MYLK3: variants seen among roughly 807,000 people sequenced by gnomAD.
MYLK3 encodes MLC kinase.
A neutral mutation model predicts 76.3 loss-of-function variants in MYLK3; 55 were observed. The observed-to-expected ratio is 0.72, with a 90% CI of 0.58 to 0.90. The LOEUF is 0.90. Among genes scored for constraint, MYLK3 ranks in the 40% least tolerant of loss-of-function variants. The pLI is 0.00. For missense variants in MYLK3, 973 were observed against 1,053.6 expected (o/e 0.92, Z 1.06); for synonymous variants, 416 against 425.4 (o/e 0.98, Z 0.27).
At chr16:46,757,611 G>C (rs1967217450) in intron 1 of MYLK3, 1 of 985,202 alleles carries the variant, frequency 1.0e-6, no homozygotes, top group South Asian at 4.7e-5. Flanking sequence ...TGGCTGGCCA[G>C]GATGATTTCT....
At chr16:46,728,478 T>C (rs765983957) in intron 7 of MYLK3, among the ~76,000 whole-genome samples, 1 of 152,166 alleles carries the variant, frequency 6.6e-6, no homozygotes, top group African/African-American at 2.4e-5. Flanking sequence ...CCCAGCACTT[T>C]GGGAAGCTGA....
chr16:46,712,513 C>A, intron 10 of MYLK3, 135 bp downstream of exon 10: 1 of 683,340 alleles, frequency 1.5e-6, no homozygotes, highest in Non-Finnish European at 2.2e-6. Flanking sequence ...TCTCACTACC[C>A]TATTCCTCTA....
chr16:46,747,619 A>T (rs1402455485), intron 1 of MYLK3, 98 bp downstream of exon 1: 1 of 1,168,652 alleles, frequency 8.6e-7, no homozygotes, highest in East Asian at 2.3e-5. Context: ...CAGGAAGGGG[A>T]CACCATGCCT....
chr16:46,762,174 T>C (rs988742682), intron 1 of MYLK3, among the ~76,000 whole-genome samples: 1 of 152,216 alleles, frequency 6.6e-6, no homozygotes, highest in African/African-American at 2.4e-5. Context: ...GGATATGCAA[T>C]GCTCTTCCAG....
chr16:46,709,453 A>AG, intron 12 of MYLK3, 86 bp downstream of exon 12: 1 of 1,465,774 alleles, frequency 6.8e-7, no homozygotes, highest in Non-Finnish European at 9.2e-7. Flanking sequence ...GAAAAAAAAA[A>AG]AAAGAAAAGG....
chr16:46,707,922 G>C (rs1334033231), intron 12 of MYLK3, among the ~76,000 whole-genome samples, 159 bp from the exon 13 acceptor site: 1 of 152,146 alleles, frequency 6.6e-6, no homozygotes, highest in African/African-American at 2.4e-5. Context: ...TTATAGAATA[G>C]TCACATGACT....
Position 46,732,415 on chromosome 16 carries a change from T to C in MYLK3, c.1255A>G (p.Arg419Gly). The change falls in exon 4 of 13, where the codon AGG (arginine) becomes GGG (glycine). Residue 419 changes from arginine (R) to glycine (G), a missense_variant. Around this residue, in one of 2 missense-constraint regions of MYLK3, gnomAD observed 641 missense variants for 637.0 expected, o/e 1.01. Coordinates refer to ENST00000394809, the MANE Select transcript of MYLK3 (RefSeq NM_182493.3). ...PGGVKAEEEQ[R>G]AGAEPGTRPS... ...CTCGTGCCAGGCTCGGCCCCAGCCCTTTGCTCCTCCTCTGCCTTCACTCCC... is the reference window on the plus strand; with the variant it reads ...CTCGTGCCAGGCTCGGCCCCAGCCCCTTGCTCCTCCTCTGCCTTCACTCCC... 6.2e-7 allele frequency: 1 copy of C among 1,613,534 alleles called. No individual in the cohort carries two copies.
chr16:46,710,319 A>T (rs1248823602), intron 11 of MYLK3, among the ~76,000 whole-genome samples: 1 of 152,228 alleles, frequency 6.6e-6, no homozygotes, highest in Non-Finnish European at 1.5e-5. Context: ...TCAGATCTTT[A>T]TTCTGGAAAT....
upstream of MYLK3, among the ~76,000 whole-genome samples, chr16:46,750,177 G>C (rs577638090): frequency 6.6e-6 from 1 of 152,160 alleles, no homozygotes; most frequent in Non-Finnish European, 1.5e-5. Context: ...CCTGCAGATC[G>C]GGGCTCCCTG....
chr16:46,745,954 T>C (rs1368330593), intron 1 of MYLK3, among the ~76,000 whole-genome samples: 1 of 152,074 alleles, frequency 6.6e-6, no homozygotes, highest in East Asian at 1.9e-4. Context: ...GGGGATGGAA[T>C]AGGAAGGAGA....
At chr16:46,759,492 C>T (rs141148898) in intron 1 of MYLK3, among the ~76,000 whole-genome samples, 1 of 152,216 alleles carries the variant, frequency 6.6e-6, no homozygotes, top group African/African-American at 2.4e-5. Context: ...AAACTGTTAT[C>T]CCCATTTCAC....
In MYLK3 at chr16:46,706,093, A is replaced by G. The variant is rs1192186012; in HGVS notation, c.*1611T>C. 4 of 152,126 alleles carry G rather than the reference A, an allele frequency of 2.6e-5. No homozygotes were observed. In the East Asian group the frequency reaches 7.7e-4, roughly 29 times the overall value. 9.4% of individuals were successfully genotyped at this position (152,126 alleles called of 1,614,324 possible). ...TAAATGTACAGTGGACCCTTGAACA[A>G]TGTGAGGGTTAGGAGTGCCTACCCC... On this transcript the variant is annotated 3_prime_UTR_variant, in exon 13 of 13. Coordinates refer to ENST00000394809, the MANE Select transcript of MYLK3 (RefSeq NM_182493.3).
intron 1 of MYLK3, among the ~76,000 whole-genome samples, chr16:46,760,161 G>A (rs557015061): frequency 2.6e-5 from 4 of 152,178 alleles, no homozygotes; most frequent in Non-Finnish European, 4.4e-5. Context: ...CATTTCACTC[G>A]TGGAGAGACT....
chr16:46,713,732 C>CA (rs1173190125), intron 9 of MYLK3, among the ~76,000 whole-genome samples: 1 of 152,254 alleles, frequency 6.6e-6, no homozygotes, highest in Non-Finnish European at 1.5e-5. Context: ...GACGTCTCCC[C>CA]AGTGCCACCT....
chr16:46,712,215 C>T (rs760186100), intron 10 of MYLK3, among the ~76,000 whole-genome samples: 1 of 151,646 alleles, frequency 6.6e-6, no homozygotes, highest in Non-Finnish European at 1.5e-5. Flanking sequence ...TGGTCTTGAA[C>T]TCTTTGGCTC....
Position 46,734,311 on chromosome 16 carries a change from G to A in MYLK3, c.1002-1643C>T, listed in dbSNP as rs1966859167. ...CACTGTGCTCAGTGAAATGAGCCAG[G>A]CACAAAAAGACAAATCCTGTGGCCA... On this transcript the variant is annotated intron_variant, in intron 3 of 12. Coordinates refer to ENST00000394809, the MANE Select transcript of MYLK3 (RefSeq NM_182493.3). Among the ~76,000 whole-genome samples, 3 of 152,256 alleles carry A rather than the reference G, an allele frequency of 2.0e-5. No individual in the cohort carries two copies. The South Asian group carries it at 6.2e-4, about 32-fold the overall frequency.
In MYLK3 at chr16:46,743,252, T is replaced by C. The variant is rs143978291; in HGVS notation, c.478-3105A>G. Among the ~76,000 whole-genome samples, 990 of 152,314 alleles carry C rather than the reference T, an allele frequency of 6.5e-3. 15 individuals carry two copies. Among genetic ancestry groups the C allele is most frequent in the African/African-American group, 0.022 (917 of 41,566 alleles). ...GACTTCTGAAGATCTCAGGAGGACCTTCAAAAAGTCCTGGCACAATTTTCA... is the reference window on the plus strand; with the variant it reads ...GACTTCTGAAGATCTCAGGAGGACCCTCAAAAAGTCCTGGCACAATTTTCA... On this transcript the variant is annotated intron_variant, in intron 1 of 12. Transcript: ENST00000394809.
rs1430964433 is a variant in MYLK3, at chr16:46,732,562, G to A, written c.1108C>T (p.Pro370Ser). ...LTTEAPAAAQPGKQGPPGTGR... is the reference protein window; with the variant it reads ...LTTEAPAAAQSGKQGPPGTGR... ...GTCCCAGGTGGGCCCTGCTTGCCTG[G>A]CTGGGCAGCTGCTGGAGCCTCTGTG... The change falls in exon 4 of 13, where the codon CCA becomes TCA. Residue 370 changes from proline (P) to serine (S), a missense_variant. By Grantham distance (74) the Pro-to-Ser change is moderately conservative. This residue lies in a region of MYLK3 where 641 missense variants were observed against 637.0 expected (regional missense o/e 1.01). Transcript: ENST00000394809. 1 of 1,600,028 alleles carries A rather than the reference G, an allele frequency of 6.2e-7. No individual in the cohort carries two copies. Among genetic ancestry groups the A allele is most frequent in the East Asian group, 2.2e-5 (1 of 44,848 alleles).
At chr16:46,718,846 G>T (rs1209750518) in intron 9 of MYLK3, among the ~76,000 whole-genome samples, 1 of 151,740 alleles carries the variant, frequency 6.6e-6, no homozygotes, top group African/African-American at 2.4e-5. Context: ...GGCGCCTGCA[G>T]TTCCAGCTAC....
Sources: allele counts gnomAD v4.1 joint callset (sites outside exome capture counted in the v4.1 genomes callset), GRCh38; gene constraint gnomAD v4.1.1; regional missense constraint gnomAD v4.1.1; transcripts MANE v1.5; gene names NCBI Gene and HGNC (gene_info 2026-07-23, HGNC 2026-07-21).